Variants in PCDH11X observed in about 807,000 individuals in gnomAD.
The protein encoded by PCDH11X is protocadherin 11 X-linked.
Under a neutral mutation model 53.3 loss-of-function variants are expected in PCDH11X, and 18 were observed. That is an observed-to-expected ratio of 0.34 (90% confidence interval 0.23 to 0.50). The LOEUF (loss-of-function observed/expected upper bound fraction) is 0.50. Among genes scored for constraint, PCDH11X ranks in the 20% least tolerant of loss-of-function variants. PCDH11X has a pLI of 0.98. For missense variants in PCDH11X, 570 were observed against 1,032.4 expected (o/e 0.55, Z 6.14); for synonymous variants, 279 against 393.3 (o/e 0.71, Z 3.44).
At chrX:91,808,273 A>G (rs901011493) in intron 1 of PCDH11X, among the ~76,000 whole-genome samples, 68 of 106,578 alleles carry the variant, frequency 6.4e-4, no homozygotes, top group African/African-American at 2.2e-3. Flanking sequence ...AAGGCGGGCA[A>G]ATCATGAGGT....
intron 7 of PCDH11X, among the ~76,000 whole-genome samples, chrX:92,203,846 G>A (rs909965802): frequency 2.7e-5 from 3 of 111,845 alleles, no homozygotes; most frequent in Non-Finnish European, 5.6e-5. Flanking sequence ...TTACCAATCC[G>A]GGTGGTACCA....
intron 6 of PCDH11X, among the ~76,000 whole-genome samples, chrX:92,063,626 C>T (rs1331911158): frequency 8.9e-6 from 1 of 112,083 alleles, no homozygotes; most frequent in Non-Finnish European, 1.9e-5. Flanking sequence ...TGAGAAAACA[C>T]TCTGGTTTTC....
intron 6 of PCDH11X, among the ~76,000 whole-genome samples, chrX:91,900,027 T>C (rs1940895221): frequency 9.0e-6 from 1 of 111,104 alleles, no homozygotes; most frequent in Non-Finnish European, 1.9e-5. Context: ...TAGTCCTGCC[T>C]GGATTGGGCT....
chrX:92,024,325 A>G (rs1302641453), intron 6 of PCDH11X, among the ~76,000 whole-genome samples: 1 of 111,234 alleles, frequency 9.0e-6, no homozygotes, highest in Non-Finnish European at 1.9e-5. Flanking sequence ...GTCTCAGGAT[A>G]CAAAATCAAT....
At chrX:92,253,280 C>T (rs111330261) in intron 7 of PCDH11X, among the ~76,000 whole-genome samples, 4,473 of 111,225 alleles carry the variant, frequency 0.04, 99 homozygotes, top group Non-Finnish European at 0.062. Context: ...CTGGGTTCTC[C>T]ATTCTGTTTC....
At chrX:92,029,567 A>G (rs1244239827) in intron 6 of PCDH11X, among the ~76,000 whole-genome samples, 1 of 111,515 alleles carries the variant, frequency 9.0e-6, no homozygotes, top group Middle Eastern at 4.3e-3. Flanking sequence ...TTCACCATAT[A>G]TGAAAGACTA....
At chrX:92,269,058 C>T (rs73532112) in intron 8 of PCDH11X, among the ~76,000 whole-genome samples, 7,892 of 111,909 alleles carry the variant, frequency 0.071, 480 homozygotes, top group East Asian at 0.27. Context: ...TAATTTTGAG[C>T]ATAGTCCTCC....
chrX:92,007,552 G>C (rs150590486), intron 6 of PCDH11X, among the ~76,000 whole-genome samples: 2 of 111,887 alleles, frequency 1.8e-5, no homozygotes, highest in Admixed American at 9.4e-5. Flanking sequence ...GCCACCTAAG[G>C]GTCAAGTCCT....
intron 8 of PCDH11X, among the ~76,000 whole-genome samples, chrX:92,311,197 A>G (rs2068942500): frequency 9.1e-6 from 1 of 110,274 alleles, no homozygotes; most frequent in African/African-American, 3.3e-5. Context: ...CTCACCTCAT[A>G]CATAAAAGAC....
intron 6 of PCDH11X, among the ~76,000 whole-genome samples, chrX:92,108,910 A>C (rs1057363552): frequency 2.7e-5 from 3 of 111,763 alleles, no homozygotes; most frequent in African/African-American, 9.8e-5. Context: ...GTAATACTGT[A>C]ACCGCCCAAC....
intron 7 of PCDH11X, among the ~76,000 whole-genome samples, chrX:92,229,914 A>T (rs982085375): frequency 9.0e-6 from 1 of 110,676 alleles, no homozygotes; most frequent in Non-Finnish European, 1.9e-5. Context: ...TGGCCACCCT[A>T]AGAAAAGGCC....
chrX:91,830,837 T>C (rs1214974232), intron 4 of PCDH11X, among the ~76,000 whole-genome samples: 1 of 111,800 alleles, frequency 8.9e-6, no homozygotes, highest in Non-Finnish European at 1.9e-5. Context: ...ATTGTAGAAA[T>C]TGTACAAAAA....
At chrX:91,920,744 C>A (rs1177388116) in intron 6 of PCDH11X, among the ~76,000 whole-genome samples, 1 of 109,861 alleles carries the variant, frequency 9.1e-6, no homozygotes, top group Non-Finnish European at 1.9e-5. Flanking sequence ...AGAAAAAAAT[C>A]CCTCTATTTT....
intron 10 of PCDH11X, among the ~76,000 whole-genome samples, chrX:92,534,239 G>A (rs1022465764): frequency 1.8e-4 from 20 of 111,266 alleles, no homozygotes; most frequent in East Asian, 1.4e-3. Context: ...ACCATGGCAC[G>A]AGAACTACGT....
At chrX:92,270,350 C>G (rs994255432) in intron 8 of PCDH11X, among the ~76,000 whole-genome samples, 1 of 110,881 alleles carries the variant, frequency 9.0e-6, no homozygotes, top group Non-Finnish European at 1.9e-5. Flanking sequence ...CCTCGAACTC[C>G]TGACCTCAAG....
At chrX:92,410,774 G>A (rs1207777068) in intron 9 of PCDH11X, among the ~76,000 whole-genome samples, 1 of 95,143 alleles carries the variant, frequency 1.1e-5, no homozygotes, top group Admixed American at 1.1e-4. Flanking sequence ...AAATATTATA[G>A]GGGAAAATGG....
intron 9 of PCDH11X, among the ~76,000 whole-genome samples, chrX:92,451,087 CACAACTTACCATTGTATTT>C (rs1265048089): frequency 1.8e-5 from 2 of 109,428 alleles, no homozygotes; most frequent in African/African-American, 6.6e-5. Context: ...TGGAAGATTT[CACAACTTACCATTGTATTT>C]ACAAATCTAA....
At chrX:92,139,878 A>G (rs1330118924) in intron 6 of PCDH11X, among the ~76,000 whole-genome samples, 2 of 110,527 alleles carry the variant, frequency 1.8e-5, no homozygotes, top group Non-Finnish European at 3.8e-5. Flanking sequence ...CTATTTTTCT[A>G]TATTCTGCCT....
intron 6 of PCDH11X, among the ~76,000 whole-genome samples, chrX:91,972,176 A>G (rs1466707382): frequency 1.9e-5 from 2 of 102,623 alleles, no homozygotes; most frequent in Non-Finnish European, 4.0e-5. Flanking sequence ...TGTGGTTTTG[A>G]TTTGCATTTC....
Sources: gnomAD v4.1 joint callset for allele counts (sites outside exome capture counted in the v4.1 genomes callset) on GRCh38, gnomAD v4.1.1 for gene constraint, MANE v1.5 for transcripts, NCBI Gene and HGNC (gene_info 2026-07-23, HGNC 2026-07-21) for gene names.